Variants in IRF2 observed in about 807,000 individuals in gnomAD.
IRF2 encodes interferon regulatory factor 2.
In IRF2, 15 loss-of-function variants were observed where a neutral mutation model predicts 40.6. The observed-to-expected ratio is 0.37, with a 90% CI of 0.25 to 0.57. The LOEUF is 0.57. Ranked by LOEUF, IRF2 falls within the 20% of genes least tolerant of loss-of-function variation. IRF2 has a pLI of 0.77. For missense variants in IRF2, 317 were observed against 455.7 expected, an observed-to-expected ratio of 0.70 and a Z score of 2.77; for synonymous variants, 151 against 165.5, an observed-to-expected ratio of 0.91 and a Z score of 0.67.
At chr4:184,462,883 GCTAA>G (rs1739194180) in intron 1 of IRF2, among the ~76,000 whole-genome samples, 1 of 152,186 alleles carries the variant, frequency 6.6e-6, no homozygotes, top group East Asian at 1.9e-4. Context: ...AGCCTTTCAA[GCTAA>G]CCTTTGCTTT....
intron 1 of IRF2, among the ~76,000 whole-genome samples, chr4:184,452,618 T>C (rs1279013844): frequency 6.6e-6 from 1 of 151,298 alleles, no homozygotes; most frequent in Non-Finnish European, 1.5e-5. Flanking sequence ...AAGAAGCATG[T>C]AAAATAAGGC....
chr4:184,421,242 C>T (rs1737471762), intron 2 of IRF2, among the ~76,000 whole-genome samples: 1 of 152,194 alleles, frequency 6.6e-6, no homozygotes, highest in South Asian at 2.1e-4. Flanking sequence ...TATTTCAGAA[C>T]ATTGGAGAGT....
chr4:184,464,284 G>T (rs1245956953), intron 1 of IRF2, among the ~76,000 whole-genome samples: 1 of 151,562 alleles, frequency 6.6e-6, no homozygotes, highest in African/African-American at 2.4e-5. Flanking sequence ...TATGAAGATG[G>T]AGACTGTTCA....
At chr4:184,391,154 C>T (rs1736247575) in intron 7 of IRF2, among the ~76,000 whole-genome samples, 1 of 152,248 alleles carries the variant, frequency 6.6e-6, no homozygotes, top group East Asian at 1.9e-4. Context: ...TTATCCCCAT[C>T]CCACTCAGAT....
At chr4:184,390,676 T>C (rs774381355) in intron 8 of IRF2, 27 bp downstream of exon 8, 17 of 1,613,506 alleles carry the variant, frequency 1.1e-5, no homozygotes, top group South Asian at 5.5e-5. Context: ...CTTGGCAGCA[T>C]CGTGGGCAGG....
chr4:184,465,873 G>C (rs1280407496), intron 1 of IRF2, among the ~76,000 whole-genome samples: 1 of 152,124 alleles, frequency 6.6e-6, no homozygotes, highest in Admixed American at 6.5e-5. Context: ...AGAATTTCTG[G>C]AACAGAGAGC....
chr4:184,401,252 T>C (rs1270539510), intron 6 of IRF2, among the ~76,000 whole-genome samples: 2 of 152,248 alleles, frequency 1.3e-5, no homozygotes, highest in Non-Finnish European at 2.9e-5. Context: ...CAGGTTCCTG[T>C]TTTAATTGCT....
In IRF2 at chr4:184,432,609, T is replaced by A. The variant is rs550497709; in HGVS notation, c.-6-3539A>T. On this transcript the variant is annotated intron_variant, in intron 1 of 8. Transcript: ENST00000393593. ...GAGGGTGTCTTCAAACAGAAACACA[T>A]AAGACAAGGTTATACAATGATCAGC... Among the ~76,000 whole-genome samples the A allele has an allele frequency of 5.3e-5, 8 of 152,322 alleles. No individual in the cohort carries two copies. In the East Asian group the frequency reaches 1.3e-3, roughly 26 times the overall value.
At chr4:184,438,665 G>C (rs1014196834) in intron 1 of IRF2, among the ~76,000 whole-genome samples, 3 of 152,134 alleles carry the variant, frequency 2.0e-5, no homozygotes, top group Non-Finnish European at 1.5e-5. Flanking sequence ...CCAAAGTCCT[G>C]GGATCACAGG....
intron 7 of IRF2, among the ~76,000 whole-genome samples, chr4:184,393,154 G>A (rs539605775): frequency 1.3e-5 from 2 of 152,346 alleles, no homozygotes; most frequent in East Asian, 3.9e-4. Context: ...GAGATGTTGA[G>A]AAACTTGCCA....
intron 5 of IRF2, among the ~76,000 whole-genome samples, chr4:184,415,459 G>A (rs561690011): frequency 5.3e-5 from 8 of 152,206 alleles, no homozygotes; most frequent in Non-Finnish European, 7.3e-5. Context: ...GACACCACCA[G>A]TGCCCATGTG....
At chr4:184,467,762 G>A (rs888191355) in intron 1 of IRF2, among the ~76,000 whole-genome samples, 2 of 152,194 alleles carry the variant, frequency 1.3e-5, no homozygotes, top group Non-Finnish European at 2.9e-5. Flanking sequence ...CTCCTTTGAT[G>A]GCATTAGGTG....
In IRF2 at chr4:184,419,667, G is replaced by A. The variant is rs187491532; in HGVS notation, c.88-99C>T. 1.8e-3 allele frequency: 1,407 copies of A among 770,408 alleles called. 3 individuals are homozygous for A. The highest frequency in any genetic ancestry group is 7.1e-3 in the Middle Eastern group (30 of 4,228). 47.7% of individuals were successfully genotyped at this position (770,408 alleles called of 1,614,324 possible). ...AAGGTCTAGCCAGCAAGATTCCCCA[G>A]CAAGCATCGCTGAATGTGTTGACTG... On this transcript the variant is annotated intron_variant, in intron 2 of 8. Transcript: ENST00000393593.
intron 2 of IRF2, among the ~76,000 whole-genome samples, chr4:184,420,691 G>A (rs1052859327): frequency 2.0e-5 from 3 of 152,122 alleles, no homozygotes; most frequent in Non-Finnish European, 4.4e-5. Flanking sequence ...CTCTTGTGGC[G>A]GTACCGGCAG....
rs1225913109 is a variant in IRF2, at chr4:184,434,637, C to T, written c.-6-5567G>A. On this transcript the variant is annotated intron_variant, in intron 1 of 8. Transcript: ENST00000393593. The stretch of plus-strand genomic sequence containing the variant: ...CTGGCTTCAAAACTGTGGCATCTGG[C>T]CATAAGTCAATTCAGCCCATGGTGG... Among the ~76,000 whole-genome samples the T allele has an allele frequency of 5.3e-5, 8 of 152,298 alleles. 1 individual carries two copies. The highest frequency in any genetic ancestry group is 3.4e-3 in the Middle Eastern group (1 of 294).
At chr4:184,399,101 C>A in intron 6 of IRF2, 22 bp from the exon 7 acceptor site, 1 of 1,566,104 alleles carries the variant, frequency 6.4e-7, no homozygotes, top group South Asian at 1.2e-5. Flanking sequence ...AGACAGCCAT[C>A]ATGCAAAGTC....
intron 8 of IRF2, 43 bp from the exon 9 acceptor site, chr4:184,389,109 A>G (rs1298745910): frequency 2.5e-6 from 4 of 1,589,610 alleles, no homozygotes; most frequent in Non-Finnish European, 3.4e-6. Context: ...TTCTCCTTCT[A>G]TTGGATGGCT....
rs753118859 is a variant in IRF2, at chr4:184,398,930, C to A, written c.679G>T (p.Val227Leu). 2.5e-6 allele frequency: 4 copies of A among 1,607,242 alleles called. No homozygotes were observed. Among genetic ancestry groups the A allele is most frequent in the Non-Finnish European group, 3.4e-6 (4 of 1,177,272 alleles). ...TGACGCTTACCTGCATAGGAAGACA[C>A]GGGGGAGATCTGCAGAGGGTAGAGC... is the stretch of plus-strand genomic sequence containing the variant. Reference protein sequence around the residue: ...SELYPLQISPVSSYAESETTD... With the variant: ...SELYPLQISPLSSYAESETTD... The change falls in exon 7 of 9, where the codon GTG becomes TTG. Residue 227 changes from valine (V) to leucine (L), a missense_variant. Transcript: ENST00000393593.
At position 184,389,040 on chromosome 4, in the gene IRF2, A is replaced by G. The variant is rs776220987; in HGVS notation, c.768T>C (p.Asn256=). The change falls in exon 9 of 9, where the codon AAT becomes AAC. Residue 256 remains asparagine, a synonymous_variant. Transcript: ENST00000393593. ...AEGRPHWRKR[N]IEGKQYLSNM... ...TGCTGAGGTACTGTTTGCCTTCAAT[A>G]TTCCTCTTCCGCCAGTGTGGCCGCC... 6 of 1,614,178 alleles carry G rather than the reference A, an allele frequency of 3.7e-6. No homozygotes were observed. The Admixed American group carries it at 1.0e-4, about 27-fold the overall frequency.
Sources: gnomAD v4.1 joint callset for allele counts (sites outside exome capture counted in the v4.1 genomes callset) on GRCh38, gnomAD v4.1.1 for gene constraint, MANE v1.5 for transcripts, NCBI Gene and HGNC (gene_info 2026-07-23, HGNC 2026-07-21) for gene names.